The following DOK6 variants were observed in gnomAD, a reference collection of about 807,000 sequenced individuals.
DOK6 encodes the protein downstream of tyrosine kinase 6.
Under a neutral mutation model 44.0 loss-of-function variants are expected in DOK6, and 22 were observed. That is an observed-to-expected ratio of 0.50 (90% CI 0.36 to 0.71). The LOEUF (loss-of-function observed/expected upper bound fraction) is 0.71. DOK6 is among the 30% of genes least tolerant of loss of function. DOK6 has a pLI of 0.00. For missense variants in DOK6, 340 were observed against 416.4 expected (o/e 0.82, Z 1.60); for synonymous variants, 166 against 145.5 (o/e 1.14, Z -1.01).
intron 1 of DOK6, among the ~76,000 whole-genome samples, chr18:69,500,556 G>A (rs578038932): frequency 2.6e-5 from 4 of 152,174 alleles, no homozygotes; most frequent in South Asian, 4.1e-4. Context: ...TTCACTGCCT[G>A]TAGCCCCAGC....
At chr18:69,595,653 G>A (rs1983723788) in intron 2 of DOK6, among the ~76,000 whole-genome samples, 1 of 152,104 alleles carries the variant, frequency 6.6e-6, no homozygotes, top group Admixed American at 6.5e-5. Context: ...TCTCTGATAG[G>A]AGTTCTTTTC....
At chr18:69,751,600 A>C (rs1979181442) in intron 6 of DOK6, among the ~76,000 whole-genome samples, 1 of 152,228 alleles carries the variant, frequency 6.6e-6, no homozygotes, top group Non-Finnish European at 1.5e-5. Context: ...AAGTACTTAC[A>C]AGATGTACAG....
chr18:69,442,942 G>A (rs538049394), intron 1 of DOK6, among the ~76,000 whole-genome samples: 111 of 152,286 alleles, frequency 7.3e-4, no homozygotes, highest in Middle Eastern at 3.4e-3. Flanking sequence ...ACCCTTAGCA[G>A]ATGCTCAATA....
At chr18:69,476,754 G>A (rs983290737) in intron 1 of DOK6, among the ~76,000 whole-genome samples, 8 of 152,204 alleles carry the variant, frequency 5.3e-5, no homozygotes, top group Non-Finnish European at 1.2e-4. Context: ...CAGAGAGGGC[G>A]TGAGAGAATA....
At chr18:69,641,260 T>TA (rs746176210) in intron 3 of DOK6, among the ~76,000 whole-genome samples, 105 of 151,580 alleles carry the variant, frequency 6.9e-4, no homozygotes, top group Non-Finnish European at 9.6e-4. Flanking sequence ...ATAAAATAAA[T>TA]ATGAAGTAGT....
chr18:69,537,209 A>G (rs1982148728), intron 1 of DOK6, among the ~76,000 whole-genome samples: 1 of 152,140 alleles, frequency 6.6e-6, no homozygotes, highest in Non-Finnish European at 1.5e-5. Flanking sequence ...TTGATTTTAT[A>G]AAGACTTTTG....
At position 69,548,111 on chromosome 18, in the gene DOK6, A is replaced by G. The variant is rs949484274; in HGVS notation, c.67-16376A>G. On this transcript the variant is annotated intron_variant, in intron 1 of 7. Transcript: ENST00000382713. ...TGGGACTACAGGTGCCTGCTACCAC[A>G]CCCGGCTAATTTTTTGTATTTTTAG... Among the ~76,000 whole-genome samples the G allele has an allele frequency of 5.5e-4, 82 of 150,222 alleles. 3 individuals carry two copies. Among genetic ancestry groups the G allele is most frequent in the Non-Finnish European group, 9.1e-4 (61 of 67,158 alleles).
At position 69,841,333 on chromosome 18, in the gene DOK6, T is replaced by A; in HGVS notation, c.946T>A (p.Ser316Thr). The stretch of plus-strand genomic sequence containing the variant: ...GAGTGAAGAGGCCCAGCAGCCGTTG[T>A]CGCGGTCCAGCAGCTATGGATTCAG... ...EQSEEAQQPL[S>T]RSSSYGFSYS... The change falls in exon 8 of 8, where the codon TCG becomes ACG. Residue 316 changes from serine (S) to threonine (T), a missense_variant. Coordinates refer to ENST00000382713, the MANE Select transcript of DOK6 (RefSeq NM_152721.6). 5 of 1,614,182 alleles carry A rather than the reference T, an allele frequency of 3.1e-6. No individual in the cohort carries two copies. Among genetic ancestry groups the A allele is most frequent in the Non-Finnish European group, 4.2e-6 (5 of 1,180,026 alleles).
At chr18:69,571,093 ATGT>A (rs1983104591) in intron 2 of DOK6, among the ~76,000 whole-genome samples, 1 of 152,068 alleles carries the variant, frequency 6.6e-6, no homozygotes, top group Non-Finnish European at 1.5e-5. Flanking sequence ...TAATGTAAAG[ATGT>A]TGGTGGTGAG....
At chr18:69,730,126 G>A (rs1003580123) in intron 5 of DOK6, among the ~76,000 whole-genome samples, 1 of 152,190 alleles carries the variant, frequency 6.6e-6, no homozygotes, top group African/African-American at 2.4e-5. Context: ...ACAACAATTA[G>A]GAATGCTCCT....
intron 2 of DOK6, among the ~76,000 whole-genome samples, chr18:69,566,132 T>TTTAC (rs1982973210): frequency 6.6e-6 from 1 of 151,830 alleles, no homozygotes; most frequent in Non-Finnish European, 1.5e-5. Flanking sequence ...TATTTATTTA[T>TTTAC]TTATTTATTT....
intron 1 of DOK6, among the ~76,000 whole-genome samples, chr18:69,446,104 C>G (rs577411959): frequency 6.6e-6 from 1 of 151,766 alleles, no homozygotes; most frequent in African/African-American, 2.4e-5. Flanking sequence ...ATGTGCACAA[C>G]GTGCACGTTT....
At chr18:69,608,635 A>G (rs2144628698) in intron 3 of DOK6, among the ~76,000 whole-genome samples, 1 of 152,272 alleles carries the variant, frequency 6.6e-6, no homozygotes, top group Non-Finnish European at 1.5e-5. Flanking sequence ...TCCATGAGCA[A>G]TAGATGTTTT....
intron 1 of DOK6, among the ~76,000 whole-genome samples, chr18:69,509,539 G>A (rs920527896): frequency 6.6e-5 from 10 of 150,856 alleles, no homozygotes; most frequent in Non-Finnish European, 1.5e-4. Context: ...TCGGGAGGCC[G>A]AGGCAGGAGA....
At chr18:69,498,339 A>G (rs891726651) in intron 1 of DOK6, among the ~76,000 whole-genome samples, 30 of 152,188 alleles carry the variant, frequency 2.0e-4, no homozygotes, top group Non-Finnish European at 3.8e-4. Context: ...CTTTGAAACC[A>G]CAAAGGTTTA....
chr18:69,735,064 T>A (rs1978557912), intron 5 of DOK6, among the ~76,000 whole-genome samples: 1 of 152,208 alleles, frequency 6.6e-6, no homozygotes, highest in Admixed American at 6.5e-5. Flanking sequence ...GAGCACCTCC[T>A]CTGGAGTTCG....
intron 1 of DOK6, among the ~76,000 whole-genome samples, chr18:69,561,331 G>T (rs546207231): frequency 6.6e-6 from 1 of 152,196 alleles, no homozygotes; most frequent in African/African-American, 2.4e-5. Flanking sequence ...CTTGATGTTT[G>T]CATTTCCAAA....
intron 1 of DOK6, among the ~76,000 whole-genome samples, chr18:69,542,261 T>A (rs1372369558): frequency 6.7e-6 from 1 of 149,834 alleles, no homozygotes; most frequent in Non-Finnish European, 1.5e-5. Flanking sequence ...AACTTTAAGC[T>A]ACTTCGCTTT....
chr18:69,637,404 T>A, intron 3 of DOK6, among the ~76,000 whole-genome samples: 1 of 152,256 alleles, frequency 6.6e-6, no homozygotes, highest in East Asian at 1.9e-4. Flanking sequence ...GATACTTTTA[T>A]CCTTATTTAA....
Sources: gnomAD v4.1 joint callset for allele counts (sites outside exome capture counted in the v4.1 genomes callset) on GRCh38, gnomAD v4.1.1 for gene constraint, MANE v1.5 for transcripts, NCBI Gene and HGNC (gene_info 2026-07-23, HGNC 2026-07-21) for gene names.